The following PLCL1 variants were observed in gnomAD, a reference collection of about 807,000 sequenced individuals.
The protein encoded by PLCL1 is phospholipase C like 1 (inactive), also known as inactive phospholipase C-like protein 1.
In PLCL1, 41 loss-of-function variants were observed where a neutral mutation model predicts 84.4. The observed-to-expected ratio is 0.49, with a 90% CI of 0.38 to 0.63. PLCL1 has a LOEUF of 0.63. PLCL1 is among the 30% of genes least tolerant of loss of function. The pLI, the probability that PLCL1 is intolerant of heterozygous loss-of-function variation, is 0.00. For missense variants in PLCL1, 1,206 were observed against 1,367.8 expected, an observed-to-expected ratio of 0.88 and a Z score of 1.87; for synonymous variants, 490 against 488.3, an observed-to-expected ratio of 1.00 and a Z score of -0.05.
chr2:197,956,972 G>GT (rs1689508492), intron 1 of PLCL1, among the ~76,000 whole-genome samples: 1 of 151,974 alleles, frequency 6.6e-6, no homozygotes, highest in Non-Finnish European at 1.5e-5. Flanking sequence ...TGCTTTTGGT[G>GT]TTTTTGTCAT....
At chr2:197,941,503 G>T (rs1045430711) in intron 1 of PLCL1, among the ~76,000 whole-genome samples, 1 of 152,050 alleles carries the variant, frequency 6.6e-6, no homozygotes, top group Admixed American at 6.6e-5. Flanking sequence ...TGTTTCCCAG[G>T]CTGGTCTCGA....
chr2:197,867,376 C>A (rs1687569275), intron 1 of PLCL1, among the ~76,000 whole-genome samples: 1 of 147,092 alleles, frequency 6.8e-6, no homozygotes, highest in Admixed American at 6.9e-5. Flanking sequence ...CTTCTAGGAT[C>A]TGTAGGTATT....
intron 1 of PLCL1, among the ~76,000 whole-genome samples, chr2:198,002,407 A>G (rs1262579257): frequency 6.6e-6 from 1 of 152,226 alleles, no homozygotes; most frequent in Non-Finnish European, 1.5e-5. Flanking sequence ...AATAGTGACA[A>G]ATAATTTTCC....
At chr2:197,956,833 T>C (rs1424431287) in intron 1 of PLCL1, among the ~76,000 whole-genome samples, 1 of 152,124 alleles carries the variant, frequency 6.6e-6, no homozygotes, top group Non-Finnish European at 1.5e-5. Flanking sequence ...CTTTGTCAGA[T>C]GGGTAGATTG....
intron 5 of PLCL1, among the ~76,000 whole-genome samples, chr2:198,121,848 A>G (rs929179705): frequency 6.6e-6 from 1 of 151,994 alleles, no homozygotes; most frequent in Admixed American, 6.6e-5. Flanking sequence ...TTTTTCTCTC[A>G]ATAGGACCAG....
intron 1 of PLCL1, among the ~76,000 whole-genome samples, chr2:197,868,031 A>G (rs188315585): frequency 1.3e-5 from 2 of 152,294 alleles, no homozygotes; most frequent in Admixed American, 6.5e-5. Context: ...AATGGTTGAA[A>G]ACAAATGGCA....
At chr2:197,999,334 C>T (rs1690543526) in intron 1 of PLCL1, among the ~76,000 whole-genome samples, 1 of 152,120 alleles carries the variant, frequency 6.6e-6, no homozygotes, top group Non-Finnish European at 1.5e-5. Context: ...AGCACCTGGA[C>T]AATAAAAAGG....
intron 5 of PLCL1, among the ~76,000 whole-genome samples, chr2:198,140,277 T>C (rs1268075476): frequency 1.3e-5 from 2 of 152,206 alleles, no homozygotes; most frequent in Non-Finnish European, 2.9e-5. Context: ...GGATTATTAA[T>C]GGTTTTTTAA....
At chr2:198,012,965 AC>A (rs1266203694) in intron 1 of PLCL1, among the ~76,000 whole-genome samples, 1 of 152,104 alleles carries the variant, frequency 6.6e-6, no homozygotes, top group Non-Finnish European at 1.5e-5. Context: ...CATGTAGAAA[AC>A]CTTTTACATC....
intron 1 of PLCL1, among the ~76,000 whole-genome samples, chr2:197,851,099 C>T (rs1687227629): frequency 6.6e-6 from 1 of 152,204 alleles, no homozygotes; most frequent in Admixed American, 6.5e-5. Context: ...CTGGGCACTC[C>T]CACATGTGTG....
At chr2:198,041,675 A>C (rs1189988742) in intron 1 of PLCL1, among the ~76,000 whole-genome samples, 2 of 152,226 alleles carry the variant, frequency 1.3e-5, no homozygotes, top group African/African-American at 2.4e-5. Flanking sequence ...TAAATACTGA[A>C]TATGGATAAA....
At chr2:197,838,298 T>G (rs1691230954) in intron 1 of PLCL1, among the ~76,000 whole-genome samples, 1 of 152,258 alleles carries the variant, frequency 6.6e-6, no homozygotes, top group African/African-American at 2.4e-5. Flanking sequence ...AGGGCCCATG[T>G]AATTCTGCTT....
At chr2:197,949,321 A>G (rs935865663) in intron 1 of PLCL1, among the ~76,000 whole-genome samples, 1 of 152,188 alleles carries the variant, frequency 6.6e-6, no homozygotes, top group African/African-American at 2.4e-5. Flanking sequence ...GTGAATGAGC[A>G]GGTGGAATCT....
intron 1 of PLCL1, among the ~76,000 whole-genome samples, chr2:197,930,023 A>T (rs1438165760): frequency 6.6e-6 from 1 of 152,184 alleles, no homozygotes; most frequent in African/African-American, 2.4e-5. Flanking sequence ...CATGGGGTGA[A>T]TCTGCATGGA....
At chr2:198,017,862 T>C (rs1168186370) in intron 1 of PLCL1, among the ~76,000 whole-genome samples, 1 of 152,236 alleles carries the variant, frequency 6.6e-6, no homozygotes, top group East Asian at 1.9e-4. Context: ...TATATACTGT[T>C]CTTGATTGTG....
rs533490886 is a variant in PLCL1, at chr2:197,982,102, A to G, written c.241-101656A>G. Among the ~76,000 whole-genome samples the G allele has an allele frequency of 6.6e-5, 10 of 151,850 alleles. No individual in the cohort carries two copies. In the South Asian group the frequency reaches 1.9e-3, roughly 28 times the overall value. Reference sequence around the variant, plus strand: ...ATTTTGTATTTAATCATGGGAAAGTAAAAACTGTTATAATTCAATTTGATT... The same window carrying G: ...ATTTTGTATTTAATCATGGGAAAGTGAAAACTGTTATAATTCAATTTGATT... On this transcript the variant is annotated intron_variant, in intron 1 of 5. Coordinates refer to ENST00000428675, the MANE Select transcript of PLCL1 (RefSeq NM_006226.4).
At position 197,961,238 on chromosome 2, in the gene PLCL1, G is replaced by GGAGAGAGAGAGAGAGAGAGAGAGA. The variant is rs60411488; in HGVS notation, c.241-122514_241-122491dup. On this transcript the variant is annotated intron_variant, in intron 1 of 5. Coordinates refer to ENST00000428675, the MANE Select transcript of PLCL1 (RefSeq NM_006226.4). ...TTATTTGAAGGTCATTTGGGAAGGT[G>GGAGAGAGAGAGAGAGAGAGAGAGA]GAGAGAGAGAGAGAGAGAGAGAGAG... Among the ~76,000 whole-genome samples, 46 of 146,070 alleles carry GGAGAGAGAGAGAGAGAGAGAGAGA rather than the reference G, an allele frequency of 3.1e-4. 1 individual carries two copies. The highest frequency in any genetic ancestry group is 8.8e-4 in the South Asian group (4 of 4,564).
chr2:198,094,516 AG>A (rs1559103425), intron 3 of PLCL1, among the ~76,000 whole-genome samples: 1 of 152,198 alleles, frequency 6.6e-6, no homozygotes, highest in South Asian at 2.1e-4. Context: ...CCCCTGTCTT[AG>A]CACATCTTAC....
At chr2:197,895,324 A>G (rs1688113801) in intron 1 of PLCL1, among the ~76,000 whole-genome samples, 1 of 152,036 alleles carries the variant, frequency 6.6e-6, no homozygotes, top group South Asian at 2.1e-4. Context: ...TTTTGAAAGG[A>G]AAATATTAAT....
Sources: gnomAD v4.1 joint callset for allele counts (sites outside exome capture counted in the v4.1 genomes callset) on GRCh38, gnomAD v4.1.1 for gene constraint, MANE v1.5 for transcripts, NCBI Gene and HGNC (gene_info 2026-07-23, HGNC 2026-07-21) for gene names.